PPP4R1: variants seen among roughly 807,000 people sequenced by gnomAD.
PPP4R1 encodes protein phosphatase 4 regulatory subunit 1, also known as serine/threonine-protein phosphatase 4 regulatory subunit 1.
A neutral mutation model predicts 111.2 loss-of-function variants in PPP4R1; 42 were observed. That is an observed-to-expected ratio of 0.38 (90% CI 0.29 to 0.49). The LOEUF (loss-of-function observed/expected upper bound fraction) is 0.49. Among genes scored for constraint, PPP4R1 ranks in the 20% least tolerant of loss-of-function variants. The probability of loss-of-function intolerance (pLI) is 0.97; values close to 1 mark genes in which losing one functional copy is unlikely to be tolerated. For missense variants in PPP4R1, 1,012 were observed against 1,161.6 expected (o/e 0.87, Z 1.87); for synonymous variants, 409 against 405.5 (o/e 1.01, Z -0.10).
At chr18:9,591,623 A>G (rs1341374813) in intron 4 of PPP4R1, among the ~76,000 whole-genome samples, 1 of 152,056 alleles carries the variant, frequency 6.6e-6, no homozygotes, top group African/African-American at 2.4e-5. Flanking sequence ...TTATTATTCA[A>G]TAGTCTTTAT....
At chr18:9,593,377 C>T (rs917853225) in intron 4 of PPP4R1, among the ~76,000 whole-genome samples, 8 of 152,122 alleles carry the variant, frequency 5.3e-5, no homozygotes, top group Middle Eastern at 3.2e-3. Flanking sequence ...GGTTAATCAA[C>T]ATTTTTTTGC....
chr18:9,583,970 C>T (rs969189167), intron 8 of PPP4R1, among the ~76,000 whole-genome samples: 5 of 151,982 alleles, frequency 3.3e-5, no homozygotes, highest in African/African-American at 7.3e-5. Flanking sequence ...TAATTTGGTC[C>T]GTCGGATTTC....
chr18:9,556,203 T>C (rs2066580963), intron 15 of PPP4R1, among the ~76,000 whole-genome samples: 1 of 151,174 alleles, frequency 6.6e-6, no homozygotes, highest in Non-Finnish European at 1.5e-5. Flanking sequence ...TTTTGTTTTT[T>C]ACTTTTTTGA....
At chr18:9,600,199 A>C (rs1335893487) in intron 2 of PPP4R1, among the ~76,000 whole-genome samples, 1 of 1,106 alleles carries the variant, frequency 9.0e-4, no homozygotes, top group African/African-American at 2.1e-3. Context: ...TATTTCCCAA[A>C]AAAAAAAAAA....
At chr18:9,591,527 T>C (rs2067211898) in intron 4 of PPP4R1, among the ~76,000 whole-genome samples, 1 of 152,060 alleles carries the variant, frequency 6.6e-6, no homozygotes, top group Non-Finnish European at 1.5e-5. Flanking sequence ...TAAAAGCTAA[T>C]GAAAGGTAAG....
chr18:9,557,845 C>T (rs2066612764), intron 14 of PPP4R1, among the ~76,000 whole-genome samples: 1 of 152,140 alleles, frequency 6.6e-6, no homozygotes, highest in Middle Eastern at 3.2e-3. Context: ...TAGAACATGC[C>T]GACGTACTGA....
rs1460194496 is a variant in PPP4R1 at position 9,614,333 on chromosome 18, C to A, written c.8-63G>T. ...CCCGGGGCCCGGCGCGACGCCCCCC[C>A]CCCGCCCGCCTCCCCCCCGCCCCGG... On this transcript the variant is annotated intron_variant, in intron 1 of 19. Coordinates refer to ENST00000400556, the MANE Select transcript of PPP4R1 (RefSeq NM_001042388.3). This position sits in a 1 kb window ranked among gnomAD's most constrained non-coding sequence, Gnocchi z 4.1. 1.0e-5 allele frequency: 11 copies of A among 1,056,088 alleles called. No homozygotes were observed. Among genetic ancestry groups the A allele is most frequent in the African/African-American group, 1.8e-5 (1 of 55,766 alleles). 65.4% of individuals were successfully genotyped at this position (1,056,088 alleles called of 1,614,324 possible). A position where few individuals can be genotyped will look rare whatever the true frequency, so the allele number is the denominator to read the frequency against.
intron 6 of PPP4R1, among the ~76,000 whole-genome samples, chr18:9,586,026 G>A (rs536955704): frequency 2.0e-5 from 3 of 152,142 alleles, no homozygotes; most frequent in African/African-American, 7.2e-5. Flanking sequence ...AACCAGTTTT[G>A]TTTTTTGAAT....
chr18:9,557,375 A>T lies in PPP4R1; in HGVS notation c.2036T>A (p.Val679Asp). 1 of 1,600,238 alleles carries T rather than the reference A, an allele frequency of 6.2e-7. No homozygotes were observed. Among genetic ancestry groups the T allele is most frequent in the Non-Finnish European group, 8.5e-7 (1 of 1,176,396 alleles). ...ETLASDMQWK[V>D]RRTLAFSIHE... The stretch of plus-strand genomic sequence containing the variant: ...GATGGAGAATGCTAGAGTTCGTCGA[A>T]CTTTCCACTGCAGAAATGAAAACAC... Residue 679 changes from valine (V) to aspartate (D), a missense_variant, in exon 15 of 20, where the codon GTT (valine) becomes GAT (aspartate). Val to Asp is a radical substitution (Grantham distance 152). Around this residue, in one of 2 missense-constraint regions of PPP4R1, gnomAD observed 305 missense variants for 419.5 expected, o/e 0.73. Coordinates refer to ENST00000400556, the MANE Select transcript of PPP4R1 (RefSeq NM_001042388.3).
At chr18:9,548,334 A>T (rs1200982145) in intron 19 of PPP4R1, among the ~76,000 whole-genome samples, 2 of 151,900 alleles carry the variant, frequency 1.3e-5, no homozygotes, top group Non-Finnish European at 2.9e-5. Flanking sequence ...ATTCTTTGAC[A>T]TCTACTACAA....
Position 9,584,559 on chromosome 18 carries a change from C to A in PPP4R1, c.715G>T (p.Asp239Tyr), listed in dbSNP as rs188422269. The A allele has an allele frequency of 1.2e-6, 2 of 1,613,326 alleles. No homozygotes were observed. Among genetic ancestry groups the A allele is most frequent in the Non-Finnish European group, 1.7e-6 (2 of 1,179,666 alleles). ...VRKVCAANFG[D>Y]ICSVVGQQAT... ...TGCTGGCCAACTACACTGCAAATAT[C>A]TCCAAAATTGGCAGCACAGACCTGA... Residue 239 changes from aspartate (D) to tyrosine (Y), a missense_variant, in exon 8 of 20, where the codon GAT becomes TAT. Coordinates refer to ENST00000400556, the MANE Select transcript of PPP4R1 (RefSeq NM_001042388.3).
intron 2 of PPP4R1, among the ~76,000 whole-genome samples, chr18:9,610,867 T>TAC (rs60173784): frequency 0.094 from 14,021 of 149,662 alleles, 1,487 homozygotes; most frequent in African/African-American, 0.26. Flanking sequence ...AAATTATGTG[T>TAC]ACACACACAC....
chr18:9,559,942 T>C (rs1009794756), intron 13 of PPP4R1, among the ~76,000 whole-genome samples: 2 of 152,190 alleles, frequency 1.3e-5, no homozygotes, highest in Non-Finnish European at 2.9e-5. Flanking sequence ...ATGTTTGTTA[T>C]AACCCAGCAA....
At chr18:9,607,368 A>AC (rs1376584920) in intron 2 of PPP4R1, among the ~76,000 whole-genome samples, 9 of 152,024 alleles carry the variant, frequency 5.9e-5, no homozygotes, top group Non-Finnish European at 1.2e-4. Flanking sequence ...CTCAAAAAAA[A>AC]AAAAACAAAA....
intron 2 of PPP4R1, among the ~76,000 whole-genome samples, chr18:9,603,151 T>C (rs764665021): frequency 7.9e-5 from 12 of 152,358 alleles, no homozygotes; most frequent in Admixed American, 3.9e-4. Context: ...GTGTTTTTAA[T>C]AGTTTTCATT....
chr18:9,593,930 G>A, intron 3 of PPP4R1, 56 bp from the exon 4 acceptor site: 1 of 1,423,010 alleles, frequency 7.0e-7, no homozygotes, highest in Non-Finnish European at 9.8e-7. Context: ...CTAATATCCA[G>A]AATTTTAATT....
chr18:9,577,596 G>A (rs916471662), intron 9 of PPP4R1, among the ~76,000 whole-genome samples: 3 of 152,160 alleles, frequency 2.0e-5, no homozygotes, highest in Non-Finnish European at 4.4e-5. Flanking sequence ...GAACCCATGA[G>A]GCTAAGTCTG....
intron 10 of PPP4R1, among the ~76,000 whole-genome samples, chr18:9,574,527 TC>T (rs1470725865): frequency 3.9e-5 from 6 of 152,214 alleles, no homozygotes; most frequent in Admixed American, 2.0e-4. Flanking sequence ...ACTGGAAAAA[TC>T]CAGCAAAAGT....
Position 9,559,576 on chromosome 18 carries a change from T to C in PPP4R1, c.1871A>G (p.Gln624Arg). Residue 624 changes from glutamine to arginine, a missense_variant, in exon 14 of 20, where the codon CAG (glutamine) becomes CGG (arginine). Physicochemically the swap from Gln to Arg is conservative, Grantham distance 43 (BLOSUM62 1). Around this residue, in one of 2 missense-constraint regions of PPP4R1, gnomAD observed 305 missense variants for 419.5 expected, o/e 0.73. Transcript: ENST00000400556. ...AGAAGGGTCAGTCATAGATAAATAC[T>C]GATCTAACAACGCCTGAGGTACAAC... ...QDVVPQALLD[Q>R]YLSMTDPSRA... The C allele has an allele frequency of 6.2e-7, 1 of 1,608,008 alleles. No individual in the cohort carries two copies. The highest frequency in any genetic ancestry group is 2.2e-5 in the East Asian group (1 of 44,690).
Sources: allele counts gnomAD v4.1 joint callset (sites outside exome capture counted in the v4.1 genomes callset), GRCh38; gene constraint gnomAD v4.1.1; regional missense constraint gnomAD v4.1.1; non-coding constraint Gnocchi (gnomAD v3.1); transcripts MANE v1.5; gene names NCBI Gene and HGNC (gene_info 2026-07-23, HGNC 2026-07-21).